SLC25A33: variants seen among roughly 807,000 people sequenced by gnomAD.
SLC25A33 encodes the protein solute carrier family 25 member 33, also known as bone marrow stromal cell mitochondrial carrier protein.
Under a neutral mutation model 35.5 loss-of-function variants are expected in SLC25A33, and 15 were observed. The observed-to-expected ratio is 0.42, with a 90% CI of 0.28 to 0.65. SLC25A33 has a LOEUF of 0.65. Among genes scored for constraint, SLC25A33 ranks in the 30% least tolerant of loss-of-function variants. SLC25A33 has a pLI of 0.20. For synonymous variants in SLC25A33, 136 were observed against 148.7 expected (o/e 0.91, Z 0.62); for missense variants, 257 against 398.5 (o/e 0.64, Z 3.02).
rs60892593 is a variant in SLC25A33 at position 9,572,455 on chromosome 1, C to CA, written c.416-878dup. On this transcript the variant is annotated intron_variant, in intron 4 of 6. Coordinates refer to ENST00000302692, the MANE Select transcript of SLC25A33 (RefSeq NM_032315.3). ...TGAAACCCTGTCTCTACTAAAAATA[C>CA]AAAAAAAAAAAAATTAGCCAGGCGC... is the stretch of plus-strand genomic sequence containing the variant. Among the ~76,000 whole-genome samples, 151 of 143,940 alleles carry CA rather than the reference C, an allele frequency of 1.0e-3. 3 individuals carry two copies. In the South Asian group the frequency reaches 0.015, roughly 15 times the overall value. The allele number at this position is 143,940 out of a possible 152,430, so 94.4% of individuals were successfully genotyped here.
intron 1 of SLC25A33, among the ~76,000 whole-genome samples, chr1:9,547,142 C>T (rs1009927879): frequency 6.6e-6 from 1 of 152,142 alleles, no homozygotes; most frequent in Non-Finnish European, 1.5e-5. Flanking sequence ...CAATCCTGTC[C>T]TCTGTGTGAC....
At chr1:9,539,781 C>T (rs1249684430) in intron 1 of SLC25A33, 34 bp downstream of exon 1, 5 of 1,338,664 alleles carry the variant, frequency 3.7e-6, no homozygotes, top group Non-Finnish European at 4.8e-6. Flanking sequence ...CGCGCCCCAC[C>T]GCCTGCGGTC....
Position 9,580,245 on chromosome 1 carries a change from CT to C in SLC25A33, c.763+15del, listed in dbSNP as rs969814564. The C allele has an allele frequency of 6.2e-7, 1 of 1,608,958 alleles. No individual in the cohort carries two copies. The highest frequency in any genetic ancestry group is 1.3e-5 in the African/African-American group (1 of 74,440). On this transcript the variant is annotated intron_variant, in intron 6 of 6. Transcript: ENST00000302692. ...TTGCTTATCCACACGGTATGTTTTG[CT>C]TTTGTTCTTCCAGAGCAGTAAAACA...
chr1:9,545,552 C>T (rs1569840791), intron 1 of SLC25A33, among the ~76,000 whole-genome samples: 1 of 151,932 alleles, frequency 6.6e-6, no homozygotes, highest in South Asian at 2.1e-4. Context: ...CGCCTGCCAC[C>T]ACGCCTGGCT....
At chr1:9,550,089 T>C (rs1643245074) in intron 1 of SLC25A33, among the ~76,000 whole-genome samples, 1 of 132,140 alleles carries the variant, frequency 7.6e-6, no homozygotes, top group South Asian at 2.6e-4. Context: ...CTCACCTCAC[T>C]GCAGCCTTGA....
chr1:9,569,150 CAGG>C (rs1643553704), intron 3 of SLC25A33, among the ~76,000 whole-genome samples: 1 of 150,558 alleles, frequency 6.6e-6, no homozygotes, highest in Admixed American at 6.7e-5. Flanking sequence ...GAGGCTGAGG[CAGG>C]AGAATGGCTT....
chr1:9,554,887 T>G (rs995701634), intron 2 of SLC25A33, among the ~76,000 whole-genome samples: 1 of 152,192 alleles, frequency 6.6e-6, no homozygotes, highest in Non-Finnish European at 1.5e-5. Context: ...TGATTGAATA[T>G]CTGATTTTTA....
intron 2 of SLC25A33, among the ~76,000 whole-genome samples, chr1:9,563,259 T>C (rs1643452804): frequency 6.6e-6 from 1 of 152,224 alleles, no homozygotes; most frequent in African/African-American, 2.4e-5. Context: ...TCATGCCATC[T>C]GTGAATAGAC....
intron 1 of SLC25A33, among the ~76,000 whole-genome samples, chr1:9,540,421 A>G (rs78666855): frequency 1.3e-5 from 2 of 152,042 alleles, no homozygotes; most frequent in Admixed American, 6.6e-5. Flanking sequence ...TGAAAGCTGC[A>G]TTAGGTCTAT....
rs754349286 is a variant in SLC25A33, at chr1:9,553,747, A to G, written c.178A>G (p.Ser60Gly). 2.9e-5 allele frequency: 47 copies of G among 1,614,128 alleles called. No homozygotes were observed. The highest frequency in any genetic ancestry group is 3.8e-5 in the Non-Finnish European group (45 of 1,180,000). ...TCCTCAGGTTCATCTGGGGACCATT[A>G]GTGGAGCTGGAATGGTGAGACCAAC... ...YYPQVHLGTI[S>G]GAGMVRPTSV... Residue 60 changes from serine (S) to glycine (G), a missense_variant, in exon 2 of 7, where the codon AGT becomes GGT. Transcript: ENST00000302692.
In SLC25A33 at chr1:9,568,394, A is replaced by C. The variant is rs116697921; in HGVS notation, c.314+1033A>C. Among the ~76,000 whole-genome samples the C allele has an allele frequency of 2.3e-3, 355 of 152,294 alleles. 1 individual carries two copies. Among genetic ancestry groups the C allele is most frequent in the African/African-American group, 8.3e-3 (344 of 41,552 alleles). ...GGGAGGCAGAGGTTGCAGTGAGCTG[A>C]GATCATGCCGCTTCACTGCAGCCTG... is the stretch of plus-strand genomic sequence containing the variant. On this transcript the variant is annotated intron_variant, in intron 3 of 6. Coordinates refer to ENST00000302692, the MANE Select transcript of SLC25A33 (RefSeq NM_032315.3).
At position 9,582,825 on chromosome 1, in the gene SLC25A33, A is replaced by C. The variant is rs1323477268; in HGVS notation, c.*324A>C. On this transcript the variant is annotated 3_prime_UTR_variant, in exon 7 of 7. Coordinates refer to ENST00000302692, the MANE Select transcript of SLC25A33 (RefSeq NM_032315.3). This position sits in a 1 kb window ranked among gnomAD's most constrained non-coding sequence, Gnocchi z 4.0. Reference sequence around the variant, plus strand: ...TCACTATACTATGAAGGACTTAAGTAATTCAGATAAACCTGCCCTAGAACT... The same window carrying C: ...TCACTATACTATGAAGGACTTAAGTCATTCAGATAAACCTGCCCTAGAACT... 7.5e-5 allele frequency: 19 copies of C among 252,778 alleles called. No individual in the cohort carries two copies. The South Asian group carries it at 1.2e-3, about 16-fold the overall frequency. The allele number at this position is 252,778 out of a possible 1,614,324, so 15.7% of individuals were successfully genotyped here.
intron 1 of SLC25A33, among the ~76,000 whole-genome samples, chr1:9,540,546 A>G (rs1281893452): frequency 1.3e-5 from 2 of 152,008 alleles, no homozygotes; most frequent in Non-Finnish European, 2.9e-5. Context: ...CGCCGAGAAT[A>G]GAAGGTAAAA....
At chr1:9,540,285 A>G (rs1643059376) in intron 1 of SLC25A33, among the ~76,000 whole-genome samples, 2 of 152,160 alleles carry the variant, frequency 1.3e-5, no homozygotes, top group Non-Finnish European at 2.9e-5. Flanking sequence ...TTGCGGCCAC[A>G]CGCGGGGTGG....
Position 9,583,143 on chromosome 1 carries a change from AG to A in SLC25A33, c.*647del, listed in dbSNP as rs1049651499. On this transcript the variant is annotated 3_prime_UTR_variant, in exon 7 of 7. Transcript: ENST00000302692. ...GAGGCAGGAGAATCACTTGAAACCCAGGGGGCAGAGGTTGCAGCGAGCTGAG... is the reference window on the plus strand; with the variant it reads ...GAGGCAGGAGAATCACTTGAAACCCAGGGGCAGAGGTTGCAGCGAGCTGAG... The A allele has an allele frequency of 7.9e-5, 12 of 152,036 alleles. No individual in the cohort carries two copies. The highest frequency in any genetic ancestry group is 2.7e-4 in the African/African-American group (11 of 41,458). 9.4% of individuals were successfully genotyped at this position (152,036 alleles called of 1,614,324 possible). A position where few individuals can be genotyped will look rare whatever the true frequency, so the allele number is the denominator to read the frequency against.
At chr1:9,561,431 A>G (rs576309675) in intron 2 of SLC25A33, among the ~76,000 whole-genome samples, 1 of 150,666 alleles carries the variant, frequency 6.6e-6, no homozygotes, top group Non-Finnish European at 1.5e-5. Flanking sequence ...TTTTTTTTCC[A>G]TTTTTTTCCT....
At chr1:9,573,883 A>G (rs1643623321) in intron 5 of SLC25A33, among the ~76,000 whole-genome samples, 1 of 152,128 alleles carries the variant, frequency 6.6e-6, no homozygotes, top group South Asian at 2.1e-4. Flanking sequence ...GGTTTGTAAC[A>G]TTTTGTGGGG....
chr1:9,583,003 T>G lies in SLC25A33; in HGVS notation c.*502T>G, dbSNP rs1388463322. 1 of 152,904 alleles carries G rather than the reference T, an allele frequency of 6.5e-6. No individual in the cohort carries two copies. The highest frequency in any genetic ancestry group is 1.5e-5 in the Non-Finnish European group (1 of 68,580). 9.5% of individuals were successfully genotyped at this position (152,904 alleles called of 1,614,324 possible). On this transcript the variant is annotated 3_prime_UTR_variant, in exon 7 of 7. Transcript: ENST00000302692. ...ACTTTGGGAGGCCGAGGCAGATGGA[T>G]CACGTGAAGTCAGGAGTTCCAGACC...
Position 9,578,830 on chromosome 1 carries a change from T to TCTCA in SLC25A33, c.483-1122_483-1119dup, listed in dbSNP as rs369741993. Among the ~76,000 whole-genome samples, 4 of 152,334 alleles carry TCTCA rather than the reference T, an allele frequency of 2.6e-5. No homozygotes were observed. In the Middle Eastern group the frequency reaches 0.01, roughly 389 times the overall value. On this transcript the variant is annotated intron_variant, in intron 5 of 6. Transcript: ENST00000302692. The surrounding 1 kb of genome is among the most constrained non-coding windows in gnomAD (Gnocchi z 4.3). ...TTTTCCACTGAAAGCATTCCCTGTG[T>TCTCA]CTCACGGCCTTGTGACTTAATCTAG...
Sources: allele counts gnomAD v4.1 joint callset (sites outside exome capture counted in the v4.1 genomes callset), GRCh38; gene constraint gnomAD v4.1.1; non-coding constraint Gnocchi (gnomAD v3.1); transcripts MANE v1.5; gene names NCBI Gene and HGNC (gene_info 2026-07-23, HGNC 2026-07-21).